Variants in CDYL2 observed in about 807,000 individuals in gnomAD.
CDYL2 encodes chromodomain Y-like protein 2.
CDYL2 carries 23 observed loss-of-function variants against 49.4 expected under a neutral mutation model. The ratio of observed to expected loss-of-function variants is 0.47; its 90% CI spans 0.34 to 0.66. The LOEUF is 0.66. Ranked by LOEUF, CDYL2 falls within the 30% of genes least tolerant of loss-of-function variation. The pLI is 0.01. For synonymous variants in CDYL2, 360 were observed against 268.8 expected (o/e 1.34, Z -3.32); for missense variants, 678 against 656.4 (o/e 1.03, Z -0.36).
intron 1 of CDYL2, among the ~76,000 whole-genome samples, chr16:80,698,306 C>T (rs963778528): frequency 1.3e-5 from 2 of 152,084 alleles, no homozygotes; most frequent in Non-Finnish European, 2.9e-5. Flanking sequence ...AAACAATCAA[C>T]AGAATGAACA....
chr16:80,659,042 C>T (rs974992978), intron 2 of CDYL2, among the ~76,000 whole-genome samples: 3 of 148,562 alleles, frequency 2.0e-5, no homozygotes, highest in East Asian at 2.0e-4. Context: ...TTTGTACTCA[C>T]GATAGAGGTG....
At chr16:80,746,807 A>G (rs1248826609) in intron 1 of CDYL2, among the ~76,000 whole-genome samples, 9 of 151,078 alleles carry the variant, frequency 6.0e-5, no homozygotes. Context: ...CTTTTATCAT[A>G]ACCCATTATT....
At chr16:80,781,714 G>A (rs190765267) in intron 1 of CDYL2, among the ~76,000 whole-genome samples, 201 of 152,148 alleles carry the variant, frequency 1.3e-3, no homozygotes, top group African/African-American at 4.7e-3. Context: ...TCACCAACAT[G>A]GGATAAACTA....
At position 80,752,624 on chromosome 16, in the gene CDYL2, T is replaced by A. The variant is rs190955725; in HGVS notation, c.24+51526A>T. Among the ~76,000 whole-genome samples, 85 of 152,294 alleles carry A rather than the reference T, an allele frequency of 5.6e-4. 1 individual carries two copies. Among genetic ancestry groups the A allele is most frequent in the Admixed American group, 2.4e-3 (37 of 15,298 alleles). The stretch of plus-strand genomic sequence containing the variant: ...AGAGCTAAAATACAACAAATGCCAC[T>A]CAGAATTATTTGCCCTATGGAAATA... On this transcript the variant is annotated intron_variant, in intron 1 of 6. Coordinates refer to ENST00000570137, the MANE Select transcript of CDYL2 (RefSeq NM_152342.4).
intron 1 of CDYL2, among the ~76,000 whole-genome samples, chr16:80,763,205 C>T (rs1443717822): frequency 6.6e-6 from 1 of 151,382 alleles, no homozygotes; most frequent in East Asian, 1.9e-4. Flanking sequence ...ATCCGGTGTT[C>T]GAGGGCAACT....
chr16:80,656,818 G>A (rs943950732), intron 2 of CDYL2, among the ~76,000 whole-genome samples: 1 of 152,154 alleles, frequency 6.6e-6, no homozygotes, highest in African/African-American at 2.4e-5. Context: ...GTGGGAGAGG[G>A]GAGGGAAGAT....
At chr16:80,621,321 G>T (rs1907075029) in intron 3 of CDYL2, among the ~76,000 whole-genome samples, 1 of 152,216 alleles carries the variant, frequency 6.6e-6, no homozygotes, top group South Asian at 2.1e-4. Context: ...CCAAGTGAGG[G>T]ATGTAAGCCA....
chr16:80,720,620 C>G (rs1436489687), intron 1 of CDYL2, among the ~76,000 whole-genome samples: 3 of 152,328 alleles, frequency 2.0e-5, no homozygotes, highest in African/African-American at 4.8e-5. Flanking sequence ...GCTTCTGAAA[C>G]AAGATGTTGC....
chr16:80,675,250 C>G (rs1435307642), intron 2 of CDYL2, among the ~76,000 whole-genome samples: 2 of 152,202 alleles, frequency 1.3e-5, no homozygotes. Context: ...TTCAGCATCC[C>G]CAGACCCGGC....
At chr16:80,638,434 T>C (rs1167535925) in intron 2 of CDYL2, among the ~76,000 whole-genome samples, 1 of 152,184 alleles carries the variant, frequency 6.6e-6, no homozygotes, top group Non-Finnish European at 1.5e-5. Context: ...CTCAATGTAA[T>C]CCCAATTCAA....
chr16:80,732,512 G>T (rs1476443836), intron 1 of CDYL2, among the ~76,000 whole-genome samples: 1 of 152,178 alleles, frequency 6.6e-6, no homozygotes, highest in Non-Finnish European at 1.5e-5. Context: ...AATATCTTTG[G>T]AAGGAAGTTC....
At chr16:80,628,964 A>T (rs1015484553) in intron 3 of CDYL2, among the ~76,000 whole-genome samples, 1 of 152,204 alleles carries the variant, frequency 6.6e-6, no homozygotes, top group Non-Finnish European at 1.5e-5. Flanking sequence ...GAGTGAGTGA[A>T]GCAAGGAGGA....
rs1315770622 is a variant in CDYL2, at chr16:80,604,244, G to A, written c.*144C>T. ...TTACACAAAATCAAACCAAGGAGGA[G>A]CAACCAAAGGACACGAGGAAATGGA... On this transcript the variant is annotated 3_prime_UTR_variant, in exon 7 of 7. Coordinates refer to ENST00000570137, the MANE Select transcript of CDYL2 (RefSeq NM_152342.4). The A allele has an allele frequency of 2.0e-5, 18 of 900,002 alleles. No homozygotes were observed. Among genetic ancestry groups the A allele is most frequent in the South Asian group, 1.5e-4 (9 of 60,894 alleles). The allele number at this position is 900,002 out of a possible 1,614,324, so 55.8% of individuals were successfully genotyped here.
chr16:80,714,504 A>C (rs1904729903), intron 1 of CDYL2, among the ~76,000 whole-genome samples: 1 of 152,220 alleles, frequency 6.6e-6, no homozygotes, highest in Non-Finnish European at 1.5e-5. Flanking sequence ...AAAAATTTAA[A>C]ATAAATCAAG....
intron 2 of CDYL2, among the ~76,000 whole-genome samples, chr16:80,658,673 A>G (rs72806142): frequency 0.028 from 4,235 of 152,316 alleles, 82 homozygotes; most frequent in Middle Eastern, 0.037. Context: ...GATTTTAAAA[A>G]TTATACATAT....
intron 2 of CDYL2, among the ~76,000 whole-genome samples, chr16:80,637,128 A>C (rs1229907174): frequency 6.6e-6 from 1 of 152,080 alleles, no homozygotes; most frequent in East Asian, 1.9e-4. Context: ...GGTGCAGCAA[A>C]CCACCATGGC....
At chr16:80,754,538 G>C (rs748357793) in intron 1 of CDYL2, among the ~76,000 whole-genome samples, 2 of 152,180 alleles carry the variant, frequency 1.3e-5, no homozygotes, top group Non-Finnish European at 2.9e-5. Context: ...GCCTCACGTG[G>C]TCAAGAGTAA....
chr16:80,627,755 T>G (rs1360433095), intron 3 of CDYL2: 1 of 152,258 alleles, frequency 6.6e-6, no homozygotes, highest in African/African-American at 2.4e-5. Flanking sequence ...AAATTCTTCT[T>G]AGAGGCTTCT....
At chr16:80,716,953 G>C (rs1188179914) in intron 1 of CDYL2, among the ~76,000 whole-genome samples, 1 of 151,400 alleles carries the variant, frequency 6.6e-6, no homozygotes, top group Non-Finnish European at 1.5e-5. Flanking sequence ...ATAATGGATG[G>C]ATGGGCAGAT....
Sources: gnomAD v4.1 joint callset for allele counts (sites outside exome capture counted in the v4.1 genomes callset) on GRCh38, gnomAD v4.1.1 for gene constraint, MANE v1.5 for transcripts, NCBI Gene and HGNC (gene_info 2026-07-23, HGNC 2026-07-21) for gene names.